NINL: variants seen among roughly 807,000 people sequenced by gnomAD.
NINL encodes ninein-like protein.
NINL carries 153 observed loss-of-function variants against 160.3 expected under a neutral mutation model. The ratio of observed to expected loss-of-function variants is 0.95; its 90% CI spans 0.84 to 1.09. The LOEUF (loss-of-function observed/expected upper bound fraction) is 1.09. Among genes scored for constraint, NINL ranks in the 50% least tolerant of loss-of-function variants. The pLI is 0.00. For synonymous variants in NINL, 800 were observed against 734.8 expected (o/e 1.09, Z -1.43); for missense variants, 1,829 against 1,764.0 (o/e 1.04, Z -0.66).
At chr20:25,576,834 T>C (rs1310562321) in intron 1 of NINL, among the ~76,000 whole-genome samples, 1 of 152,188 alleles carries the variant, frequency 6.6e-6, no homozygotes, top group Non-Finnish European at 1.5e-5. Context: ...ATAATAAAAA[T>C]TCAGTAAGAA....
intron 19 of NINL, among the ~76,000 whole-genome samples, chr20:25,466,131 C>T (rs1426920516): frequency 6.6e-6 from 1 of 152,122 alleles, no homozygotes; most frequent in South Asian, 2.1e-4. Context: ...AAGCCATCCT[C>T]CCACCTCAAC....
chr20:25,466,200 T>C (rs2062909071), intron 19 of NINL, among the ~76,000 whole-genome samples: 1 of 151,918 alleles, frequency 6.6e-6, no homozygotes, highest in Admixed American at 6.6e-5. Context: ...TTTTCTTTTT[T>C]TTGTAGAGAT....
rs80192797 is a variant in NINL at position 25,516,491 on chromosome 20, T to C, written c.277+1262A>G. 7.4e-3 allele frequency among the ~76,000 whole-genome samples: 1,131 copies of C among 152,254 alleles called. 11 individuals are homozygous for C. Among genetic ancestry groups the C allele is most frequent in the Non-Finnish European group, 0.011 (725 of 68,010 alleles). ...ACATGTCCCACAGGTTGAGACAATT[T>C]TAAGCTTAGATGCGCCCACCATGCA... On this transcript the variant is annotated intron_variant, in intron 3 of 23. Coordinates refer to ENST00000278886, the MANE Select transcript of NINL (RefSeq NM_025176.6).
chr20:25,548,174 G>C (rs139515746), intron 1 of NINL, among the ~76,000 whole-genome samples: 24 of 152,304 alleles, frequency 1.6e-4, no homozygotes, highest in African/African-American at 4.8e-4. Flanking sequence ...GCTTGGTCGG[G>C]GGGGTTCTGC....
intron 1 of NINL, among the ~76,000 whole-genome samples, chr20:25,536,937 T>C (rs192509819): frequency 1.6e-4 from 25 of 152,276 alleles, no homozygotes; most frequent in African/African-American, 5.5e-4. Flanking sequence ...TCATACTCTG[T>C]AGGCTATAAA....
intron 4 of NINL, among the ~76,000 whole-genome samples, 178 bp from the exon 5 acceptor site, chr20:25,510,918 C>A (rs1352718947): frequency 6.6e-6 from 1 of 152,206 alleles, no homozygotes; most frequent in Non-Finnish European, 1.5e-5. Flanking sequence ...AGCTAGCAGA[C>A]CCAGGTGAGC....
chr20:25,529,222 A>T (rs2064408585), intron 1 of NINL, among the ~76,000 whole-genome samples: 1 of 152,136 alleles, frequency 6.6e-6, no homozygotes, highest in African/African-American at 2.4e-5. Flanking sequence ...ACAGTGAGCC[A>T]TGATCACACC....
intron 1 of NINL, among the ~76,000 whole-genome samples, chr20:25,531,665 C>T (rs558320101): frequency 1.3e-4 from 20 of 152,214 alleles, no homozygotes; most frequent in Non-Finnish European, 2.6e-4. Flanking sequence ...CCTGCTCCTT[C>T]CTCTTCGTGA....
chr20:25,583,952 ATCACACACC>A (rs1183598615), intron 1 of NINL, among the ~76,000 whole-genome samples: 1 of 152,140 alleles, frequency 6.6e-6, no homozygotes, highest in East Asian at 1.9e-4. Context: ...GGAGGGGAAC[ATCACACACC>A]TCACACATCG....
intron 3 of NINL, 86 bp downstream of exon 3, chr20:25,517,667 A>G: frequency 9.6e-7 from 1 of 1,037,236 alleles, no homozygotes; most frequent in Admixed American, 2.9e-5. Context: ...CAGTTTTCAG[A>G]ACTGCTGGAT....
At chr20:25,584,673 C>A (rs1047116013) in intron 1 of NINL, among the ~76,000 whole-genome samples, 39 of 152,174 alleles carry the variant, frequency 2.6e-4, no homozygotes, top group African/African-American at 9.4e-4. Flanking sequence ...GAACCTCCTC[C>A]CTAGTTCCAG....
intron 22 of NINL, 71 bp from the exon 23 acceptor site, chr20:25,455,857 C>T: frequency 2.4e-6 from 3 of 1,266,346 alleles, no homozygotes; most frequent in East Asian, 2.3e-5. Context: ...CTTTGGGAGG[C>T]CGAGGCGGGC....
Position 25,489,871 on chromosome 20 carries a change from T to C in NINL, c.1596+4A>G. On this transcript the variant is annotated splice_donor_region_variant and intron_variant, in intron 12 of 23. Transcript: ENST00000278886. Reference sequence around the variant, plus strand: ...GGAGGCAGACTGTCAGCAAAGGGACTCGCCTTGTCCTTCAGCACAAACTCC... The same window carrying C: ...GGAGGCAGACTGTCAGCAAAGGGACCCGCCTTGTCCTTCAGCACAAACTCC... 1 of 1,611,672 alleles carries C rather than the reference T, an allele frequency of 6.2e-7. No individual in the cohort carries two copies. Among genetic ancestry groups the C allele is most frequent in the Non-Finnish European group, 8.5e-7 (1 of 1,178,330 alleles).
chr20:25,515,293 T>C (rs958540189), intron 3 of NINL, among the ~76,000 whole-genome samples: 3 of 152,254 alleles, frequency 2.0e-5, no homozygotes, highest in Non-Finnish European at 2.9e-5. Flanking sequence ...CCTGCTGGGT[T>C]TCAGACTTGC....
intron 13 of NINL, among the ~76,000 whole-genome samples, chr20:25,484,510 C>T (rs1791012620): frequency 6.6e-6 from 1 of 152,230 alleles, no homozygotes; most frequent in African/African-American, 2.4e-5. Context: ...GCAGCCAACA[C>T]TGCGGGGCAT....
At chr20:25,561,318 C>T (rs1417457288) in intron 1 of NINL, among the ~76,000 whole-genome samples, 1 of 152,188 alleles carries the variant, frequency 6.6e-6, no homozygotes, top group Non-Finnish European at 1.5e-5. Flanking sequence ...GGATTGCAGA[C>T]GGAGTCTCGT....
chr20:25,520,090 T>C (rs1375470008), intron 2 of NINL, among the ~76,000 whole-genome samples: 4 of 147,652 alleles, frequency 2.7e-5, no homozygotes, highest in African/African-American at 1.0e-4. Flanking sequence ...AAATCTCTGA[T>C]GTTGGTGTCC....
At chr20:25,544,778 G>T (rs1045058092) in intron 1 of NINL, among the ~76,000 whole-genome samples, 2 of 152,192 alleles carry the variant, frequency 1.3e-5, no homozygotes, top group Admixed American at 1.3e-4. Context: ...CTGGGTGCAG[G>T]GAAAAGACAT....
chr20:25,501,612 C>T (rs559375927), intron 7 of NINL, among the ~76,000 whole-genome samples: 1 of 152,322 alleles, frequency 6.6e-6, no homozygotes, highest in African/African-American at 2.4e-5. Context: ...CCTGTGGGAC[C>T]TCATGTTGAT....
Sources: gnomAD v4.1 joint callset for allele counts (sites outside exome capture counted in the v4.1 genomes callset) on GRCh38, gnomAD v4.1.1 for gene constraint, MANE v1.5 for transcripts, NCBI Gene and HGNC (gene_info 2026-07-23, HGNC 2026-07-21) for gene names.